ROBO2: variants seen among roughly 807,000 people sequenced by gnomAD.
ROBO2 encodes the protein roundabout guidance receptor 2.
ROBO2 carries 53 observed loss-of-function variants against 160.8 expected under a neutral mutation model. That is an observed-to-expected ratio of 0.33 (90% CI 0.26 to 0.41). The LOEUF is 0.41. ROBO2 is among the 10% of genes least tolerant of loss of function. The pLI, the probability that ROBO2 is intolerant of heterozygous loss-of-function variation, is 1.00. For missense variants in ROBO2, 1,577 were observed against 1,722.4 expected (o/e 0.92, Z 1.49); for synonymous variants, 664 against 611.7 (o/e 1.09, Z -1.26).
intron 2 of ROBO2, among the ~76,000 whole-genome samples, chr3:77,108,479 G>T (rs1379153811): frequency 1.3e-5 from 2 of 152,118 alleles, no homozygotes; most frequent in East Asian, 1.9e-4. Context: ...CAGGGCCAGA[G>T]AATACTTTCT....
intron 25 of ROBO2, among the ~76,000 whole-genome samples, chr3:77,645,516 G>C (rs528096994): frequency 6.6e-6 from 1 of 152,256 alleles, no homozygotes; most frequent in Non-Finnish European, 1.5e-5. Context: ...TGAACTCCTT[G>C]TGTTAATTTC....
At chr3:76,407,908 T>A (rs1474361437) in intron 2 of ROBO2, among the ~76,000 whole-genome samples, 1 of 150,604 alleles carries the variant, frequency 6.6e-6, no homozygotes, top group Non-Finnish European at 1.5e-5. Flanking sequence ...TAACCTTTCT[T>A]AAAATATTGT....
intron 2 of ROBO2, among the ~76,000 whole-genome samples, chr3:76,527,752 T>C (rs1044359199): frequency 5.3e-5 from 8 of 152,098 alleles, no homozygotes; most frequent in Non-Finnish European, 1.0e-4. Context: ...ATAAATGTTA[T>C]GTAGAAAATA....
At chr3:77,308,610 G>T (rs576754640) in intron 2 of ROBO2, among the ~76,000 whole-genome samples, 28 of 152,222 alleles carry the variant, frequency 1.8e-4, no homozygotes, top group African/African-American at 6.7e-4. Flanking sequence ...GAACATTCTT[G>T]TGGTTTCATA....
chr3:76,950,025 C>G lies in ROBO2; in HGVS notation c.110-147989C>G, dbSNP rs937554349. Among the ~76,000 whole-genome samples, 4 of 152,304 alleles carry G rather than the reference C, an allele frequency of 2.6e-5. No individual in the cohort carries two copies. The South Asian group carries it at 6.2e-4, about 24-fold the overall frequency. Reference sequence around the variant, plus strand: ...ACAAGGTTAGAATGAGACATGCATTCTCAGCATTTCTCTTTTTGTGATGAA... The same window carrying G: ...ACAAGGTTAGAATGAGACATGCATTGTCAGCATTTCTCTTTTTGTGATGAA... On this transcript the variant is annotated intron_variant, in intron 2 of 26. Transcript: ENST00000487694.
At chr3:77,132,155 A>G (rs1365993971) in intron 2 of ROBO2, among the ~76,000 whole-genome samples, 4 of 152,082 alleles carry the variant, frequency 2.6e-5, no homozygotes, top group Non-Finnish European at 4.4e-5. Context: ...CACAAAATGC[A>G]TATGATTTAT....
chr3:76,971,708 C>A (rs2059580565), intron 2 of ROBO2, among the ~76,000 whole-genome samples: 1 of 152,152 alleles, frequency 6.6e-6, no homozygotes, highest in South Asian at 2.1e-4. Flanking sequence ...TGCATTTTTG[C>A]ATGTGCTTTA....
intron 2 of ROBO2, among the ~76,000 whole-genome samples, chr3:76,569,236 G>C (rs1202102896): frequency 1.3e-5 from 2 of 152,040 alleles, no homozygotes; most frequent in Non-Finnish European, 2.9e-5. Context: ...TTTCAGTTCA[G>C]AAGTTTTCTG....
upstream of ROBO2, among the ~76,000 whole-genome samples, chr3:77,038,482 G>A (rs933321523): frequency 6.6e-6 from 1 of 152,074 alleles, no homozygotes; most frequent in Admixed American, 6.5e-5. Context: ...GGAGACCTAA[G>A]TTAAGTAGCA....
chr3:76,503,247 T>C (rs1479684631), intron 2 of ROBO2, among the ~76,000 whole-genome samples: 2 of 152,166 alleles, frequency 1.3e-5, no homozygotes, highest in East Asian at 3.9e-4. Flanking sequence ...TTTTTCTGCC[T>C]GCTTTATATT....
chr3:76,138,115 C>T (rs994512544), intron 2 of ROBO2, among the ~76,000 whole-genome samples: 6 of 151,862 alleles, frequency 4.0e-5, no homozygotes, highest in South Asian at 4.1e-4. Flanking sequence ...AAGATAGAAA[C>T]GTTTTTAGTC....
chr3:76,445,573 A>G (rs2077138758), intron 2 of ROBO2, among the ~76,000 whole-genome samples: 1 of 152,152 alleles, frequency 6.6e-6, no homozygotes, highest in East Asian at 1.9e-4. Flanking sequence ...AAAGCCTGGC[A>G]GAGACACAAC....
chr3:76,371,808 A>G (rs2076116693), intron 2 of ROBO2, among the ~76,000 whole-genome samples: 1 of 151,924 alleles, frequency 6.6e-6, no homozygotes, highest in African/African-American at 2.4e-5. Context: ...TAAATTTACT[A>G]AGGAATTCAC....
chr3:77,634,636 G>A (rs912449380), intron 23 of ROBO2: 3 of 517,148 alleles, frequency 5.8e-6, no homozygotes, highest in Non-Finnish European at 1.0e-5. Context: ...ATGTTCATTT[G>A]TTTGATTTTG....
intron 2 of ROBO2, among the ~76,000 whole-genome samples, chr3:77,183,465 G>T (rs1025215450): frequency 5.3e-5 from 8 of 151,932 alleles, no homozygotes; most frequent in African/African-American, 1.9e-4. Flanking sequence ...AATGCAACGG[G>T]TGCCCTCATA....
chr3:76,712,243 C>A (rs1241510720), intron 2 of ROBO2, among the ~76,000 whole-genome samples: 2 of 152,168 alleles, frequency 1.3e-5, no homozygotes, highest in African/African-American at 4.8e-5. Context: ...CTTACATAAG[C>A]TAGATCAAGT....
intron 2 of ROBO2, among the ~76,000 whole-genome samples, chr3:76,556,350 G>A (rs954489411): frequency 6.6e-6 from 1 of 152,100 alleles, no homozygotes; most frequent in African/African-American, 2.4e-5. Context: ...GGGAAAGGGG[G>A]TGATGTATTT....
intron 2 of ROBO2, among the ~76,000 whole-genome samples, chr3:76,475,398 G>C (rs563442017): frequency 6.6e-6 from 1 of 152,256 alleles, no homozygotes; most frequent in South Asian, 2.1e-4. Flanking sequence ...CAGGTGATGT[G>C]CAGCCATGGT....
chr3:76,212,621 A>T lies in ROBO2; in HGVS notation c.109+275019A>T, dbSNP rs149275035. ...GTGTCATTTATTATGCAATAAGATC[A>T]GGACTAACTCTGGGCTAAAATTACA... is the stretch of plus-strand genomic sequence containing the variant. On this transcript the variant is annotated intron_variant, in intron 2 of 26. Coordinates refer to the ROBO2 transcript ENST00000487694. 4.5e-3 allele frequency among the ~76,000 whole-genome samples: 689 copies of T among 152,250 alleles called. 8 individuals are homozygous for T. Among genetic ancestry groups the T allele is most frequent in the African/African-American group, 0.016 (665 of 41,550 alleles).
Sources: allele counts gnomAD v4.1 joint callset (sites outside exome capture counted in the v4.1 genomes callset), GRCh38; gene constraint gnomAD v4.1.1; transcripts MANE v1.5; gene names NCBI Gene and HGNC (gene_info 2026-07-23, HGNC 2026-07-21).